Variants in ABRAXAS1 observed in about 807,000 individuals in gnomAD.
The protein encoded by ABRAXAS1 is abraxas 1, BRCA1 A complex subunit, also known as BRCA1-A complex subunit Abraxas 1.
A neutral mutation model predicts 38.4 loss-of-function variants in ABRAXAS1; 26 were observed. The ratio of observed to expected loss-of-function variants is 0.68; its 90% confidence interval spans 0.50 to 0.94. The LOEUF is 0.94. Ranked by LOEUF, ABRAXAS1 falls within the 40% of genes least tolerant of loss-of-function variation. ABRAXAS1 has a pLI of 0.00. For missense variants in ABRAXAS1, 438 were observed against 481.9 expected (o/e 0.91, Z 0.85); for synonymous variants, 144 against 165.5 (o/e 0.87, Z 1.00).
intron 8 of ABRAXAS1, 129 bp from the exon 9 acceptor site, chr4:83,463,031 A>G: frequency 1.5e-6 from 1 of 645,722 alleles, no homozygotes. Flanking sequence ...AGGATAACAT[A>G]CATAATTCTG....
chr4:83,482,483 C>A (rs552780229), intron 1 of ABRAXAS1, among the ~76,000 whole-genome samples: 1 of 152,230 alleles, frequency 6.6e-6, no homozygotes, highest in East Asian at 1.9e-4. Context: ...CCAAGGTGGG[C>A]AGATAGTTTG....
At chr4:83,464,998 C>T (rs1722293113) in intron 7 of ABRAXAS1, among the ~76,000 whole-genome samples, 1 of 152,022 alleles carries the variant, frequency 6.6e-6, no homozygotes, top group South Asian at 2.1e-4. Context: ...AAATATACTG[C>T]CATTAAAAAT....
intron 8 of ABRAXAS1, 137 bp downstream of exon 8, chr4:83,463,357 C>T: frequency 1.9e-6 from 1 of 530,258 alleles, no homozygotes; most frequent in Non-Finnish European, 3.2e-6. Flanking sequence ...CGCTTGACCC[C>T]AGGAGGCAGA....
intron 4 of ABRAXAS1, among the ~76,000 whole-genome samples, chr4:83,470,893 A>C (rs934333822): frequency 7.9e-5 from 12 of 152,350 alleles, no homozygotes; most frequent in African/African-American, 2.9e-4. Context: ...GATTAAGATC[A>C]CATTAAAGGA....
intron 1 of ABRAXAS1, among the ~76,000 whole-genome samples, chr4:83,484,392 T>C (rs562209219): frequency 6.6e-6 from 1 of 152,362 alleles, no homozygotes; most frequent in South Asian, 2.1e-4. Flanking sequence ...CATAGAACTT[T>C]TAGAAAATAG....
At chr4:83,480,277 C>A in intron 2 of ABRAXAS1, 1 of 351,122 alleles carries the variant, frequency 2.8e-6, no homozygotes, top group Non-Finnish European at 5.6e-6. Flanking sequence ...GAGGCCGAGG[C>A]AGGAGAATCG....
At chr4:83,472,851 TC>T (rs1722633656) in intron 3 of ABRAXAS1, among the ~76,000 whole-genome samples, 1 of 152,152 alleles carries the variant, frequency 6.6e-6, no homozygotes, top group African/African-American at 2.4e-5. Context: ...AAAAGATAAT[TC>T]CAAGTGATTC....
chr4:83,469,315 T>G, intron 5 of ABRAXAS1, 164 bp from the exon 6 acceptor site: 1 of 600,452 alleles, frequency 1.7e-6, no homozygotes, highest in Non-Finnish European at 2.8e-6. Context: ...TTGAAACAAC[T>G]GTTTTTTTTT....
At chr4:83,475,679 G>A (rs567438544) in intron 3 of ABRAXAS1, among the ~76,000 whole-genome samples, 2 of 152,178 alleles carry the variant, frequency 1.3e-5, no homozygotes, top group Middle Eastern at 3.4e-3. Context: ...TTTTTCTTGC[G>A]TGGTTTATAT....
intron 7 of ABRAXAS1, 57 bp from the exon 8 acceptor site, chr4:83,463,665 A>G (rs1249153505): frequency 6.7e-6 from 6 of 889,414 alleles, no homozygotes. Flanking sequence ...GTACTAATAC[A>G]GTCTAGATTC....
chr4:83,478,248 G>A (rs1722857674), intron 2 of ABRAXAS1: 2 of 677,218 alleles, frequency 3.0e-6, no homozygotes, highest in African/African-American at 1.8e-5. Flanking sequence ...ATGAACCAGA[G>A]GGCAATCGTG....
chr4:83,482,538 G>A (rs190774274), intron 1 of ABRAXAS1, among the ~76,000 whole-genome samples: 47 of 152,254 alleles, frequency 3.1e-4, no homozygotes, highest in Middle Eastern at 3.4e-3. Context: ...GTAAAACTCC[G>A]TCTGTACAAA....
intron 3 of ABRAXAS1, among the ~76,000 whole-genome samples, chr4:83,474,144 AAAATAAATAAATAAAT>A (rs71668653): frequency 4.2e-5 from 6 of 142,024 alleles, no homozygotes; most frequent in Admixed American, 2.2e-4. Context: ...CCTTGTCTAA[AAAATAAATAAATAAAT>A]AAATAAATAA....
intron 2 of ABRAXAS1, chr4:83,479,403 C>CAAAAAAAA (rs34420709): frequency 9.7e-6 from 1 of 102,952 alleles, no homozygotes. Flanking sequence ...GACTCTGTTT[C>CAAAAAAAA]AAAAAAAAAA....
chr4:83,475,564 C>T (rs1722735262), intron 3 of ABRAXAS1, among the ~76,000 whole-genome samples: 3 of 152,152 alleles, frequency 2.0e-5, no homozygotes, highest in African/African-American at 4.8e-5. Flanking sequence ...CTGCCTCAGC[C>T]TCCCCAGTAG....
chr4:83,485,083 C>A lies in ABRAXAS1; in HGVS notation c.-11G>T, dbSNP rs763957930. 1.9e-6 allele frequency: 3 copies of A among 1,584,408 alleles called. No individual in the cohort carries two copies. The highest frequency in any genetic ancestry group is 1.7e-5 in the Admixed American group (1 of 57,706). ...ACTCTCCCCCTCCATGCTACCGCCG[C>A]CTCAGGCTACACAAGAGGACGAGGG... On this transcript the variant is annotated 5_prime_UTR_variant, in exon 1 of 9. Transcript: ENST00000321945.
At chr4:83,466,409 C>T (rs1001617235) in intron 7 of ABRAXAS1, among the ~76,000 whole-genome samples, 2 of 152,068 alleles carry the variant, frequency 1.3e-5, no homozygotes, top group Non-Finnish European at 2.9e-5. Context: ...AATATACTTC[C>T]CTCTATTCTG....
At chr4:83,473,021 G>T (rs1036250099) in intron 3 of ABRAXAS1, among the ~76,000 whole-genome samples, 2 of 152,112 alleles carry the variant, frequency 1.3e-5, no homozygotes, top group African/African-American at 4.8e-5. Flanking sequence ...GCTCATACTT[G>T]TAATCCCAGC....
chr4:83,470,039 T>C (rs924390469), intron 5 of ABRAXAS1, 164 bp downstream of exon 5: 5 of 504,296 alleles, frequency 9.9e-6, no homozygotes, highest in Admixed American at 7.7e-5. Context: ...CTGACCATTA[T>C]TTTCCCACCT....
Sources: allele counts gnomAD v4.1 joint callset (sites outside exome capture counted in the v4.1 genomes callset), GRCh38; gene constraint gnomAD v4.1.1; transcripts MANE v1.5; gene names NCBI Gene and HGNC (gene_info 2026-07-23, HGNC 2026-07-21).